SMOC2: variants seen among roughly 807,000 people sequenced by gnomAD.
SMOC2 encodes the protein SPARC-related modular calcium-binding protein 2.
In SMOC2, 39 loss-of-function variants were observed where a neutral mutation model predicts 61.4. The observed-to-expected ratio is 0.64, with a 90% CI of 0.49 to 0.83. The LOEUF (loss-of-function observed/expected upper bound fraction) is 0.83. Ranked by LOEUF, SMOC2 falls within the 40% of genes least tolerant of loss-of-function variation. The pLI is 0.00. For synonymous variants in SMOC2, 247 were observed against 239.9 expected (o/e 1.03, Z -0.27); for missense variants, 556 against 592.9 (o/e 0.94, Z 0.65).
intron 7 of SMOC2, among the ~76,000 whole-genome samples, chr6:168,598,303 G>A (rs932248649): frequency 6.6e-6 from 1 of 152,222 alleles, no homozygotes; most frequent in African/African-American, 2.4e-5. Flanking sequence ...GTGGGGGATG[G>A]ACGATGAACC....
chr6:168,648,608 T>G (rs1212053764), intron 9 of SMOC2, among the ~76,000 whole-genome samples: 1 of 152,230 alleles, frequency 6.6e-6, no homozygotes, highest in Non-Finnish European at 1.5e-5. Flanking sequence ...GACTGTTACT[T>G]CTTTCTTGGA....
intron 7 of SMOC2, among the ~76,000 whole-genome samples, chr6:168,571,365 G>A (rs1304215585): frequency 6.6e-6 from 1 of 152,150 alleles, no homozygotes; most frequent in Non-Finnish European, 1.5e-5. Context: ...TGCCTGTGCC[G>A]TCGGCAAATG....
At chr6:168,477,197 C>T (rs1159183776) in intron 1 of SMOC2, among the ~76,000 whole-genome samples, 1 of 152,178 alleles carries the variant, frequency 6.6e-6, no homozygotes, top group African/African-American at 2.4e-5. Context: ...GTGGACACTC[C>T]AGCCCATGCT....
Position 168,526,425 on chromosome 6 carries a change from G to A in SMOC2, c.336G>A (p.Glu112=), listed in dbSNP as rs1267690360. ...RKEFQQVFIP[E]CNDDGTYSQV... ...AGTTTCAGCAAGTGTTCATTCCTGA[G>A]TGCAATGACGACGGCACCTACAGTC... Residue 112 remains glutamate, a synonymous_variant, in exon 3 of 13, where the codon GAG becomes GAA. Transcript: ENST00000356284. 1 of 1,614,210 alleles carries A rather than the reference G, an allele frequency of 6.2e-7. No homozygotes were observed. Among genetic ancestry groups the A allele is most frequent in the South Asian group, 1.1e-5 (1 of 91,082 alleles).
At chr6:168,474,617 G>A (rs928752159) in intron 1 of SMOC2, among the ~76,000 whole-genome samples, 8 of 152,052 alleles carry the variant, frequency 5.3e-5, no homozygotes, top group Admixed American at 1.3e-4. Flanking sequence ...TGAAACCTCC[G>A]GAGACGTATA....
At chr6:168,565,966 G>T (rs562339910) in intron 7 of SMOC2, among the ~76,000 whole-genome samples, 1 of 152,248 alleles carries the variant, frequency 6.6e-6, no homozygotes, top group Non-Finnish European at 1.5e-5. Flanking sequence ...GACAAAGTGA[G>T]AATTTCCCCC....
At chr6:168,659,493 A>G (rs114193692) in intron 11 of SMOC2, among the ~76,000 whole-genome samples, 1 of 16,972 alleles carries the variant, frequency 5.9e-5, no homozygotes, top group East Asian at 1.7e-3. Flanking sequence ...GGTGGAAGTT[A>G]TAGTATTGGT....
chr6:168,484,320 A>T (rs1013760256), intron 1 of SMOC2, among the ~76,000 whole-genome samples: 1 of 152,184 alleles, frequency 6.6e-6, no homozygotes, highest in African/African-American at 2.4e-5. Context: ...ACAAATAGCC[A>T]CTAAGGACAT....
At chr6:168,608,019 G>T in intron 8 of SMOC2, 138 bp from the exon 9 acceptor site, 1 of 712,730 alleles carries the variant, frequency 1.4e-6, no homozygotes, top group Non-Finnish European at 2.4e-6. Context: ...GAGTGAGGAG[G>T]TCATGGGTGT....
intron 7 of SMOC2, among the ~76,000 whole-genome samples, chr6:168,595,061 G>T (rs71536612): frequency 1.3e-3 from 10 of 7,966 alleles, no homozygotes; most frequent in South Asian, 6.8e-3. Flanking sequence ...TCTAGAGGAT[G>T]GCCGAGCTCC....
In SMOC2 at chr6:168,498,432, G is replaced by A. The variant is rs145192604; in HGVS notation, c.85-11483G>A. ...ACAGAGAGGGAAAGAGTGGCTGTCC[G>A]GCGGGTAGTTTAGCTGTGCCAGAAA... On this transcript the variant is annotated intron_variant, in intron 1 of 12. Transcript: ENST00000356284. Among the ~76,000 whole-genome samples, 973 of 151,924 alleles carry A rather than the reference G, an allele frequency of 6.4e-3. 9 individuals carry two copies. The highest frequency in any genetic ancestry group is 0.021 in the African/African-American group (876 of 41,434).
chr6:168,551,365 T>C (rs916041278), intron 7 of SMOC2, among the ~76,000 whole-genome samples: 5 of 152,206 alleles, frequency 3.3e-5, no homozygotes, highest in African/African-American at 1.2e-4. Context: ...AATAAATATG[T>C]TAGCACCTAA....
intron 7 of SMOC2, among the ~76,000 whole-genome samples, chr6:168,582,768 G>C (rs1283589415): frequency 6.6e-6 from 1 of 152,162 alleles, no homozygotes; most frequent in Non-Finnish European, 1.5e-5. Context: ...CCGACCTGCC[G>C]GGAACTCAGA....
chr6:168,490,205 T>C (rs1490133651), intron 1 of SMOC2, among the ~76,000 whole-genome samples: 2 of 149,994 alleles, frequency 1.3e-5, no homozygotes, highest in Non-Finnish European at 3.0e-5. Context: ...TCCCCTTGGA[T>C]CACAGTTTTA....
intron 4 of SMOC2, among the ~76,000 whole-genome samples, chr6:168,534,103 T>C (rs1281030724): frequency 6.6e-6 from 1 of 151,806 alleles, no homozygotes; most frequent in East Asian, 2.0e-4. Flanking sequence ...AATAAAAATT[T>C]AAAAATTTAA....
intron 1 of SMOC2, among the ~76,000 whole-genome samples, chr6:168,480,647 C>G (rs1782185091): frequency 6.6e-6 from 1 of 151,752 alleles, no homozygotes; most frequent in Non-Finnish European, 1.5e-5. Flanking sequence ...AGTGGACCAA[C>G]ATACATGTTA....
chr6:168,644,247 G>C (rs550148608), intron 9 of SMOC2, among the ~76,000 whole-genome samples: 1 of 152,306 alleles, frequency 6.6e-6, no homozygotes, highest in East Asian at 1.9e-4. Context: ...TCCGCCCTGG[G>C]AATTTCCCCT....
intron 4 of SMOC2, among the ~76,000 whole-genome samples, chr6:168,528,752 T>G (rs1351967104): frequency 6.6e-6 from 1 of 152,234 alleles, no homozygotes; most frequent in Non-Finnish European, 1.5e-5. Context: ...ATATGTTTAT[T>G]TGTAAAAACT....
chr6:168,464,417 C>T (rs1781783998), intron 1 of SMOC2, among the ~76,000 whole-genome samples: 1 of 152,078 alleles, frequency 6.6e-6, no homozygotes, highest in Non-Finnish European at 1.5e-5. Flanking sequence ...CACTATCTGC[C>T]AGGAGGGCAG....
Sources: allele counts gnomAD v4.1 joint callset (sites outside exome capture counted in the v4.1 genomes callset), GRCh38; gene constraint gnomAD v4.1.1; transcripts MANE v1.5; gene names NCBI Gene and HGNC (gene_info 2026-07-23, HGNC 2026-07-21).